CDYL2: variants seen among roughly 807,000 people sequenced by gnomAD.
The protein encoded by CDYL2 is chromodomain Y like 2, also known as chromodomain Y-like protein 2.
A neutral mutation model predicts 49.4 loss-of-function variants in CDYL2; 23 were observed. The ratio of observed to expected loss-of-function variants is 0.47; its 90% CI spans 0.34 to 0.66. The LOEUF is 0.66. Ranked by LOEUF, CDYL2 falls within the 30% of genes least tolerant of loss-of-function variation. CDYL2 has a pLI of 0.01. For synonymous variants in CDYL2, 360 were observed against 268.8 expected (o/e 1.34, Z -3.32); for missense variants, 678 against 656.4 (o/e 1.03, Z -0.36).
At chr16:80,644,624 A>C (rs1908252655) in intron 2 of CDYL2, among the ~76,000 whole-genome samples, 1 of 152,210 alleles carries the variant, frequency 6.6e-6, no homozygotes, top group Non-Finnish European at 1.5e-5. Flanking sequence ...AAAATGAGGA[A>C]GATGCAAAGG....
intron 1 of CDYL2, among the ~76,000 whole-genome samples, chr16:80,693,087 C>G (rs1910480771): frequency 8.5e-6 from 1 of 117,800 alleles, no homozygotes; most frequent in East Asian, 2.9e-4. Flanking sequence ...GCAAACTCAT[C>G]TATAGTGATC....
At chr16:80,698,853 G>A (rs1222233945) in intron 1 of CDYL2, among the ~76,000 whole-genome samples, 1 of 152,040 alleles carries the variant, frequency 6.6e-6, no homozygotes, top group Non-Finnish European at 1.5e-5. Context: ...TTCAAGTTAT[G>A]CAGTCTCAGG....
chr16:80,726,436 T>C lies in CDYL2; in HGVS notation c.25-41307A>G, dbSNP rs563448313. ...ATTGAATTCTGAAAAAAATTTCTAA[T>C]TGCTATGTATTTTAAAACTGAAGTT... is the stretch of plus-strand genomic sequence containing the variant. On this transcript the variant is annotated intron_variant, in intron 1 of 6. Coordinates refer to ENST00000570137, the MANE Select transcript of CDYL2 (RefSeq NM_152342.4). Among the ~76,000 whole-genome samples, 3 of 152,256 alleles carry C rather than the reference T, an allele frequency of 2.0e-5. 1 individual carries two copies. In the East Asian group the frequency reaches 5.8e-4, roughly 29 times the overall value.
intron 2 of CDYL2, among the ~76,000 whole-genome samples, chr16:80,666,657 C>G (rs537591949): frequency 3.9e-5 from 6 of 152,138 alleles, no homozygotes; most frequent in African/African-American, 1.4e-4. Flanking sequence ...TACGGGCTTT[C>G]CAGGACATGT....
In CDYL2 at chr16:80,602,250, T is replaced by C. The variant is rs1327071170; in HGVS notation, c.*2138A>G. 3 of 152,236 alleles carry C rather than the reference T, an allele frequency of 2.0e-5. No homozygotes were observed. The highest frequency in any genetic ancestry group is 4.4e-5 in the Non-Finnish European group (3 of 68,062). The allele number at this position is 152,236 out of a possible 1,614,324, so 9.4% of individuals were successfully genotyped here. ...ATTTGGGCAAAAGCAGGTGTCTCCC[T>C]ATAGTAACTCCCTGTAGGACAGGTC... is the stretch of plus-strand genomic sequence containing the variant. On this transcript the variant is annotated 3_prime_UTR_variant, in exon 7 of 7. Transcript: ENST00000570137.
At chr16:80,776,018 T>C (rs1236249222) in intron 1 of CDYL2, among the ~76,000 whole-genome samples, 1 of 152,000 alleles carries the variant, frequency 6.6e-6, no homozygotes, top group African/African-American at 2.4e-5. Flanking sequence ...CTGGTCATAA[T>C]GCATAAAAAC....
chr16:80,713,260 T>G (rs1416893285), intron 1 of CDYL2, among the ~76,000 whole-genome samples: 1 of 152,214 alleles, frequency 6.6e-6, no homozygotes, highest in South Asian at 2.1e-4. Flanking sequence ...AATATGTAGC[T>G]GGATGAAGTT....
At chr16:80,744,659 T>A (rs556872209) in intron 1 of CDYL2, among the ~76,000 whole-genome samples, 26 of 152,290 alleles carry the variant, frequency 1.7e-4, no homozygotes, top group Admixed American at 1.3e-3. Context: ...ATAGGTAATA[T>A]TCCAGCTCTG....
At chr16:80,641,013 A>G (rs1908061957) in intron 2 of CDYL2, among the ~76,000 whole-genome samples, 2 of 152,208 alleles carry the variant, frequency 1.3e-5, no homozygotes, top group Non-Finnish European at 2.9e-5. Context: ...GGAGGTAGGG[A>G]AAAAGATGGG....
intron 1 of CDYL2, among the ~76,000 whole-genome samples, chr16:80,780,563 C>A (rs952753007): frequency 2.6e-5 from 4 of 151,872 alleles, no homozygotes; most frequent in Admixed American, 2.6e-4. Context: ...TGCCACCATG[C>A]CTGGCTAATT....
intron 1 of CDYL2, among the ~76,000 whole-genome samples, chr16:80,759,854 GA>G (rs1906466876): frequency 6.6e-6 from 1 of 150,956 alleles, no homozygotes; most frequent in South Asian, 2.1e-4. Flanking sequence ...AAGATTCCCT[GA>G]AACATGGGGA....
chr16:80,634,763 A>T (rs1310011751), intron 2 of CDYL2, among the ~76,000 whole-genome samples: 1 of 152,338 alleles, frequency 6.6e-6, no homozygotes, highest in East Asian at 1.9e-4. Context: ...AAATATACAC[A>T]AGGAGAAATA....
chr16:80,764,548 T>G (rs2549735), intron 1 of CDYL2, among the ~76,000 whole-genome samples: 150,152 of 152,234 alleles, frequency 0.99, 74,056 homozygotes, highest in Middle Eastern at 1. Flanking sequence ...TATAATAAAG[T>G]CTATGTTGCT....
At chr16:80,680,384 G>C (rs1567568355) in intron 2 of CDYL2, among the ~76,000 whole-genome samples, 2 of 152,172 alleles carry the variant, frequency 1.3e-5, no homozygotes, top group Non-Finnish European at 2.9e-5. Context: ...CACCTTCCTG[G>C]TAATTTGGAG....
chr16:80,754,049 C>T (rs1353275870), intron 1 of CDYL2, among the ~76,000 whole-genome samples: 1 of 152,194 alleles, frequency 6.6e-6, no homozygotes, highest in Non-Finnish European at 1.5e-5. Context: ...ACATTCTATG[C>T]ATCATCTTAT....
At chr16:80,664,634 A>G (rs1236479273) in intron 2 of CDYL2, among the ~76,000 whole-genome samples, 1 of 152,206 alleles carries the variant, frequency 6.6e-6, no homozygotes, top group Non-Finnish European at 1.5e-5. Flanking sequence ...AAAATTTTTT[A>G]AAGTTTTCCA....
At chr16:80,626,425 G>A (rs539433454) in intron 3 of CDYL2, among the ~76,000 whole-genome samples, 1 of 152,276 alleles carries the variant, frequency 6.6e-6, no homozygotes, top group South Asian at 2.1e-4. Flanking sequence ...TAATATTGTA[G>A]AGGATGAGAG....
chr16:80,629,656 T>C (rs1907463820), intron 3 of CDYL2, among the ~76,000 whole-genome samples: 1 of 152,208 alleles, frequency 6.6e-6, no homozygotes, highest in Non-Finnish European at 1.5e-5. Flanking sequence ...ACAGGAGAAA[T>C]ATTACAGCAA....
Position 80,604,559 on chromosome 16 carries a change from A to G in CDYL2, c.1363-13T>C. 6.2e-7 allele frequency: 1 copy of G among 1,614,156 alleles called. No individual in the cohort carries two copies. The highest frequency in any genetic ancestry group is 8.5e-7 in the Non-Finnish European group (1 of 1,179,988). On this transcript the variant is annotated splice_polypyrimidine_tract_variant and intron_variant, in intron 6 of 6. Transcript: ENST00000570137. Reference sequence around the variant, plus strand: ...ACTCCTCTAACACCTAGAGGGAAATAGACAGGCCTGATTAGCCGGGCACCA... The same window carrying G: ...ACTCCTCTAACACCTAGAGGGAAATGGACAGGCCTGATTAGCCGGGCACCA...
Sources: gnomAD v4.1 joint callset for allele counts (sites outside exome capture counted in the v4.1 genomes callset) on GRCh38, gnomAD v4.1.1 for gene constraint, MANE v1.5 for transcripts, NCBI Gene and HGNC (gene_info 2026-07-23, HGNC 2026-07-21) for gene names.